RYR2: variants seen among roughly 807,000 people sequenced by gnomAD.
The protein encoded by RYR2 is ryanodine receptor 2.
RYR2 carries 227 observed loss-of-function variants against 601.1 expected under a neutral mutation model. The observed-to-expected ratio is 0.38, with a 90% CI of 0.34 to 0.42. RYR2 has a LOEUF of 0.42. RYR2 is among the 10% of genes least tolerant of loss of function. The pLI is 1.00. For synonymous variants in RYR2, 2,223 were observed against 2,175.1 expected (o/e 1.02, Z -0.61); for missense variants, 4,646 against 6,156.5 (o/e 0.75, Z 8.21).
At chr1:237,408,407 A>ATATATAT (rs56317247) in intron 10 of RYR2, among the ~76,000 whole-genome samples, 35 of 132,904 alleles carry the variant, frequency 2.6e-4, no homozygotes, top group African/African-American at 6.2e-4. Context: ...TATATATATA[A>ATATATAT]ATGGATATCC....
intron 12 of RYR2, 45 bp from the exon 13 acceptor site, chr1:237,441,274 A>G: frequency 6.2e-7 from 1 of 1,609,826 alleles, no homozygotes; most frequent in Non-Finnish European, 8.5e-7. Context: ...ATACACTAGT[A>G]TTTTTGAAAT....
At chr1:237,536,978 A>C (rs1668707984) in intron 25 of RYR2, among the ~76,000 whole-genome samples, 1 of 152,156 alleles carries the variant, frequency 6.6e-6, no homozygotes, top group Non-Finnish European at 1.5e-5. Flanking sequence ...TATGAACATA[A>C]TTCATAAAAA....
chr1:237,260,791 A>T (rs1169476146), intron 1 of RYR2, among the ~76,000 whole-genome samples: 1 of 152,240 alleles, frequency 6.6e-6, no homozygotes, highest in African/African-American at 2.4e-5. Flanking sequence ...TTTATAAATC[A>T]TAGGGAGTTT....
Position 237,639,582 on chromosome 1 carries a change from C to T in RYR2, c.7115+381C>T, listed in dbSNP as rs566528559. Among the ~76,000 whole-genome samples, 19 of 152,122 alleles carry T rather than the reference C, an allele frequency of 1.2e-4. No individual in the cohort carries two copies. The South Asian group carries it at 3.1e-3, about 25-fold the overall frequency. The stretch of plus-strand genomic sequence containing the variant: ...ATTTTATGATTAGAAAGAGACCTTT[C>T]GCAAATGAAAGGGGGACTTGACTAA... On this transcript the variant is annotated intron_variant, in intron 46 of 104. Transcript: ENST00000366574.
chr1:237,730,390 G>T (rs1443837397), intron 77 of RYR2, 34 bp downstream of exon 77: 2 of 1,181,378 alleles, frequency 1.7e-6, no homozygotes, highest in Admixed American at 1.7e-5. Context: ...GATGAAAGAG[G>T]GTCTAGGCTT....
chr1:237,680,988 A>G (rs1470530865), intron 62 of RYR2, among the ~76,000 whole-genome samples: 1 of 152,224 alleles, frequency 6.6e-6, no homozygotes, highest in Non-Finnish European at 1.5e-5. Context: ...ATTTAAAAAT[A>G]ATGACCAATG....
chr1:237,072,458 A>G (rs1161936819), intron 1 of RYR2, among the ~76,000 whole-genome samples: 1 of 152,196 alleles, frequency 6.6e-6, no homozygotes, highest in Non-Finnish European at 1.5e-5. Flanking sequence ...ACAAGGAGAC[A>G]TGAGCTGGTC....
intron 34 of RYR2, among the ~76,000 whole-genome samples, chr1:237,596,422 G>A (rs1675901077): frequency 6.6e-6 from 1 of 151,946 alleles, no homozygotes; most frequent in Admixed American, 6.6e-5. Flanking sequence ...TACAACTGAG[G>A]GTTTCAACAA....
At chr1:237,644,057 G>T (rs1373020425) in intron 48 of RYR2, among the ~76,000 whole-genome samples, 1 of 152,112 alleles carries the variant, frequency 6.6e-6, no homozygotes, top group African/African-American at 2.4e-5. Flanking sequence ...GTCCTGCCTT[G>T]TGTCATTGGT....
In RYR2 at chr1:237,674,238, T is replaced by G; in HGVS notation, c.8714+19T>G. 6.3e-7 allele frequency: 1 copy of G among 1,585,448 alleles called. No homozygotes were observed. Among genetic ancestry groups the G allele is most frequent in the East Asian group, 2.2e-5 (1 of 44,662 alleles). On this transcript the variant is annotated intron_variant, in intron 59 of 104. Transcript: ENST00000366574. ...TATCCAGGTAAAAGTACACATACCC[T>G]AAGTACACACTCTTTTCACAAGAGT...
intron 2 of RYR2, among the ~76,000 whole-genome samples, chr1:237,279,059 A>G (rs1434714562): frequency 3.9e-5 from 6 of 152,338 alleles, no homozygotes; most frequent in African/African-American, 1.2e-4. Flanking sequence ...TAAATGCTAT[A>G]TGTTTTTTTC....
At chr1:237,521,227 A>G (rs1667052673) in intron 24 of RYR2, among the ~76,000 whole-genome samples, 1 of 152,166 alleles carries the variant, frequency 6.6e-6, no homozygotes, top group Non-Finnish European at 1.5e-5. Flanking sequence ...CCTGGTACCA[A>G]AACCAGACAA....
intron 1 of RYR2, among the ~76,000 whole-genome samples, chr1:237,124,435 C>G (rs1254187839): frequency 1.3e-5 from 2 of 152,138 alleles, no homozygotes; most frequent in Non-Finnish European, 2.9e-5. Flanking sequence ...GAAAGCAACA[C>G]AAATACATTA....
chr1:237,569,387 C>T, intron 29 of RYR2, 68 bp downstream of exon 29: 2 of 1,496,900 alleles, frequency 1.3e-6, no homozygotes, highest in Non-Finnish European at 1.8e-6. Flanking sequence ...CTGAGGCTTC[C>T]TAACCGGGCG....
intron 1 of RYR2, among the ~76,000 whole-genome samples, chr1:237,145,051 T>G (rs117123811): frequency 0.029 from 4,270 of 148,378 alleles, 163 homozygotes; most frequent in East Asian, 0.14. Context: ...GGGAACATCA[T>G]ACACTGGGGC....
chr1:237,674,715 A>C lies in RYR2; in HGVS notation c.8715-16A>C. 2.0e-6 allele frequency: 3 copies of C among 1,513,370 alleles called. No individual in the cohort carries two copies. The South Asian group carries it at 3.4e-5, about 17-fold the overall frequency. 93.7% of individuals were successfully genotyped at this position (1,513,370 alleles called of 1,614,324 possible). Reference sequence around the variant, plus strand: ...TTGTACAAATTGCTTTCCCATTTTCATTTTTGCTCTTCCAGAGGATTTAAG... The same window carrying C: ...TTGTACAAATTGCTTTCCCATTTTCCTTTTTGCTCTTCCAGAGGATTTAAG... On this transcript the variant is annotated splice_polypyrimidine_tract_variant and intron_variant, in intron 59 of 104. Coordinates refer to ENST00000366574, the MANE Select transcript of RYR2 (RefSeq NM_001035.3).
chr1:237,462,137 T>C (rs188417193), intron 16 of RYR2, among the ~76,000 whole-genome samples: 106 of 152,292 alleles, frequency 7.0e-4, no homozygotes, highest in African/African-American at 2.4e-3. Context: ...TCAAAACCTT[T>C]GGTTCAAATA....
chr1:237,346,367 C>CAGAAAAAAAAAAAAAAAAAAAAA (rs1698311796), intron 3 of RYR2, among the ~76,000 whole-genome samples: 1 of 62,352 alleles, frequency 1.6e-5, no homozygotes, highest in African/African-American at 5.6e-5. Flanking sequence ...GGGTCTACCT[C>CAGAAAAAAAAAAAAAAAAAAAAA]AAAAAAAAAA....
intron 1 of RYR2, among the ~76,000 whole-genome samples, chr1:237,208,222 A>G (rs535070456): frequency 2.6e-5 from 4 of 152,214 alleles, no homozygotes; most frequent in Non-Finnish European, 4.4e-5. Context: ...GTAACCATTG[A>G]GCCAGAGACA....
Sources: gnomAD v4.1 joint callset for allele counts (sites outside exome capture counted in the v4.1 genomes callset) on GRCh38, gnomAD v4.1.1 for gene constraint, MANE v1.5 for transcripts, NCBI Gene and HGNC (gene_info 2026-07-23, HGNC 2026-07-21) for gene names.